The following NWD2 variants were observed in gnomAD, a reference collection of about 807,000 sequenced individuals.
The protein encoded by NWD2 is NACHT and WD repeat domain containing 2.
In NWD2, 37 loss-of-function variants were observed where a neutral mutation model predicts 132.7. That is an observed-to-expected ratio of 0.28 (90% CI 0.21 to 0.37). The LOEUF is 0.37. NWD2 is among the 10% of genes least tolerant of loss of function. The pLI is 1.00. For synonymous variants in NWD2, 705 were observed against 803.0 expected (o/e 0.88, Z 2.06); for missense variants, 1,592 against 2,122.4 (o/e 0.75, Z 4.91).
Position 37,439,212 on chromosome 4 carries a change from T to C in NWD2, c.1118T>C (p.Ile373Thr). The C allele has an allele frequency of 1.3e-6, 2 of 1,550,648 alleles. No homozygotes were observed. The highest frequency in any genetic ancestry group is 1.7e-6 in the Non-Finnish European group (2 of 1,146,566). Residue 373 changes from isoleucine to threonine, a missense_variant, in exon 6 of 7, where the codon ATC becomes ACC. Physicochemically the swap from Ile to Thr is moderately conservative, Grantham distance 89. Coordinates refer to ENST00000309447, the MANE Select transcript of NWD2 (RefSeq NM_001144990.2). The surrounding 1 kb of genome is among the most constrained non-coding windows in gnomAD (Gnocchi z 4.5). ...DTETDTLYDE[I>T]LQHSSLCKTY... Reference sequence around the variant, plus strand: ...GAAACTGATACACTCTATGATGAAATCCTTCAACATTCATCATTATGTAAA... The same window carrying C: ...GAAACTGATACACTCTATGATGAAACCCTTCAACATTCATCATTATGTAAA...
At position 37,252,556 on chromosome 4, in the gene NWD2, T is replaced by G. The variant is rs527605364; in HGVS notation, c.151+7338T>G. Among the ~76,000 whole-genome samples the G allele has an allele frequency of 2.0e-4, 31 of 152,298 alleles. No individual in the cohort carries two copies. In the South Asian group the frequency reaches 4.6e-3, roughly 22 times the overall value. On this transcript the variant is annotated intron_variant, in intron 1 of 6. Transcript: ENST00000309447. ...TTTCTCACAGTTCTGTGGTTGGTAT[T>G]TTGGGCAAGGCTTGGCTGGGTGGCT... is the stretch of plus-strand genomic sequence containing the variant.
At chr4:37,309,114 T>G (rs926006373) in intron 1 of NWD2, among the ~76,000 whole-genome samples, 1 of 152,138 alleles carries the variant, frequency 6.6e-6, no homozygotes, top group African/African-American at 2.4e-5. Flanking sequence ...GCCCCCATCC[T>G]GGGGTAGCCA....
At chr4:37,273,723 CA>C (rs1035567654) in intron 1 of NWD2, among the ~76,000 whole-genome samples, 3 of 152,104 alleles carry the variant, frequency 2.0e-5, no homozygotes, top group African/African-American at 7.2e-5. Flanking sequence ...GAAATTATTA[CA>C]AACTGTTTCT....
At chr4:37,369,134 C>G (rs1048658146) in intron 3 of NWD2, among the ~76,000 whole-genome samples, 1 of 152,062 alleles carries the variant, frequency 6.6e-6, no homozygotes, top group African/African-American at 2.4e-5. Context: ...ATTATAGATA[C>G]TTAAATATAC....
chr4:37,287,522 A>G (rs752704377), intron 1 of NWD2, among the ~76,000 whole-genome samples: 7 of 152,200 alleles, frequency 4.6e-5, no homozygotes, highest in Non-Finnish European at 1.0e-4. Flanking sequence ...CAGCTGTGGC[A>G]TACGGTGGCC....
chr4:37,398,438 T>TG (rs1720843875), intron 3 of NWD2, among the ~76,000 whole-genome samples: 1 of 152,076 alleles, frequency 6.6e-6, no homozygotes, highest in Non-Finnish European at 1.5e-5. Flanking sequence ...CGTCACACAC[T>TG]GGGGCCTGTC....
chr4:37,386,451 G>T (rs1292991683), intron 3 of NWD2, among the ~76,000 whole-genome samples: 1 of 152,062 alleles, frequency 6.6e-6, no homozygotes, highest in Non-Finnish European at 1.5e-5. Flanking sequence ...GGTCCTGGGT[G>T]CTTACTGTAC....
In NWD2 at chr4:37,447,514, A is replaced by G. The variant is rs1415751002; in HGVS notation, c.*297A>G. On this transcript the variant is annotated 3_prime_UTR_variant, in exon 7 of 7. Transcript: ENST00000309447. Reference sequence around the variant, plus strand: ...GTGGTGAGGCAGCATAATACATCCCACTGGTTAAGATGAGAGAGGCTAGAG... The same window carrying G: ...GTGGTGAGGCAGCATAATACATCCCGCTGGTTAAGATGAGAGAGGCTAGAG... 2 of 390,272 alleles carry G rather than the reference A, an allele frequency of 5.1e-6. No homozygotes were observed. Among genetic ancestry groups the G allele is most frequent in the Non-Finnish European group, 9.4e-6 (2 of 212,938 alleles). 24.2% of individuals were successfully genotyped at this position (390,272 alleles called of 1,614,324 possible).
chr4:37,255,918 A>T (rs1248130383), intron 1 of NWD2, among the ~76,000 whole-genome samples: 3 of 152,186 alleles, frequency 2.0e-5, no homozygotes, highest in Non-Finnish European at 4.4e-5. Context: ...GTGTCAGAGG[A>T]TGGATGCAGA....
At position 37,278,455 on chromosome 4, in the gene NWD2, T is replaced by G. The variant is rs2109267005; in HGVS notation, c.151+33237T>G. ...CAGATAAAATGCCAGCCTCGTGGCT[T>G]ACCCTAACCTGGTGGAACCTTCATA... On this transcript the variant is annotated intron_variant, in intron 1 of 6. Transcript: ENST00000309447. Among the ~76,000 whole-genome samples, 2 of 152,332 alleles carry G rather than the reference T, an allele frequency of 1.3e-5. 1 individual carries two copies. Among genetic ancestry groups the G allele is most frequent in the South Asian group, 4.1e-4 (2 of 4,830 alleles).
Position 37,443,231 on chromosome 4 carries a change from C to T in NWD2, c.1297-54C>T, listed in dbSNP as rs1461653852. 5 of 1,410,484 alleles carry T rather than the reference C, an allele frequency of 3.5e-6. No individual in the cohort carries two copies. In the East Asian group the frequency reaches 1.2e-4, roughly 35 times the overall value. 87.4% of individuals were successfully genotyped at this position (1,410,484 alleles called of 1,614,324 possible). On this transcript the variant is annotated intron_variant, in intron 6 of 6. Coordinates refer to ENST00000309447, the MANE Select transcript of NWD2 (RefSeq NM_001144990.2). This position sits in a 1 kb window ranked among gnomAD's most constrained non-coding sequence, Gnocchi z 4.1. Reference sequence around the variant, plus strand: ...GCTCTGGAGAGAGGCAATGTTATCACATATGACCATGTGAATACATATTAC... The same window carrying T: ...GCTCTGGAGAGAGGCAATGTTATCATATATGACCATGTGAATACATATTAC...
chr4:37,328,282 C>A (rs924166141), intron 2 of NWD2, among the ~76,000 whole-genome samples: 2 of 151,994 alleles, frequency 1.3e-5, no homozygotes, highest in African/African-American at 4.8e-5. Flanking sequence ...TTCTGGTATA[C>A]GTGTGCAGAA....
intron 1 of NWD2, among the ~76,000 whole-genome samples, chr4:37,264,351 A>G (rs533016816): frequency 6.6e-6 from 1 of 152,246 alleles, no homozygotes; most frequent in African/African-American, 2.4e-5. Context: ...TCTCTCCTGT[A>G]AGTAAAATGA....
chr4:37,424,384 G>T (rs1711929497), intron 3 of NWD2, among the ~76,000 whole-genome samples: 1 of 152,160 alleles, frequency 6.6e-6, no homozygotes, highest in East Asian at 1.9e-4. Flanking sequence ...TGTCTTCTGG[G>T]AAACATGGCC....
chr4:37,272,666 ATC>A (rs1717896551), intron 1 of NWD2, among the ~76,000 whole-genome samples: 2 of 151,760 alleles, frequency 1.3e-5, no homozygotes, highest in African/African-American at 4.8e-5. Context: ...TTTTGTCTTA[ATC>A]GGTTTTCAAA....
chr4:37,300,039 T>G (rs900387477), intron 1 of NWD2, among the ~76,000 whole-genome samples: 1 of 152,172 alleles, frequency 6.6e-6, no homozygotes. Context: ...TTCATGCTGC[T>G]ATGTCTTCTA....
rs188548177 is a variant in NWD2, at chr4:37,336,963, A to C, written c.240+10939A>C. 4.6e-3 allele frequency among the ~76,000 whole-genome samples: 701 copies of C among 151,260 alleles called. 4 individuals are homozygous for C. Among genetic ancestry groups the C allele is most frequent in the African/African-American group, 0.016 (678 of 41,328 alleles). On this transcript the variant is annotated intron_variant, in intron 2 of 6. Coordinates refer to ENST00000309447, the MANE Select transcript of NWD2 (RefSeq NM_001144990.2). ...CCATCTCAAAAAAAGAAAAAAAAAA[A>C]AAAAAAAACAAGAAATTGTCCACCT...
intron 2 of NWD2, among the ~76,000 whole-genome samples, chr4:37,354,194 C>T (rs1344087764): frequency 1.3e-5 from 2 of 152,198 alleles, no homozygotes; most frequent in East Asian, 3.9e-4. Context: ...GCAAAGATTG[C>T]TGCCTGTTCC....
At chr4:37,393,588 C>T (rs758442696) in intron 3 of NWD2, among the ~76,000 whole-genome samples, 4 of 152,164 alleles carry the variant, frequency 2.6e-5, no homozygotes, top group Non-Finnish European at 5.9e-5. Context: ...CGGGCCATTG[C>T]GTCTCTTAGT....
Sources: gnomAD v4.1 joint callset for allele counts (sites outside exome capture counted in the v4.1 genomes callset) on GRCh38, gnomAD v4.1.1 for gene constraint, Gnocchi (gnomAD v3.1) non-coding constraint, MANE v1.5 for transcripts, NCBI Gene and HGNC (gene_info 2026-07-23, HGNC 2026-07-21) for gene names.